Variants in FREM1 observed in about 807,000 individuals in gnomAD.
FREM1 encodes the protein FRAS1 related extracellular matrix 1.
A neutral mutation model predicts 210.1 loss-of-function variants in FREM1; 220 were observed. That is an observed-to-expected ratio of 1.05 (90% CI 0.94 to 1.17). The LOEUF is 1.17. Among genes scored for constraint, FREM1 ranks in the 50% most tolerant of loss-of-function variants. FREM1 has a pLI of 0.00. For synonymous variants in FREM1, 1,189 were observed against 980.2 expected, an observed-to-expected ratio of 1.21 and a Z score of -3.98; for missense variants, 3,454 against 2,675.5, an observed-to-expected ratio of 1.29 and a Z score of -6.42.
At position 14,737,446 on chromosome 9, in the gene FREM1, C is replaced by CT; in HGVS notation, c.6489dup (p.Asp2164ArgfsTer3). 6.2e-7 allele frequency: 1 copy of CT among 1,613,856 alleles called. No individual in the cohort carries two copies. The highest frequency in any genetic ancestry group is 8.5e-7 in the Non-Finnish European group (1 of 1,179,844). ...TTATGAGGTTTGGCTCTCCTACAGT[C>CT]TTTTGTTTGCCATTTCCCTTGTCTT... On this transcript the variant is annotated frameshift_variant, in exon 37 of 37. Transcript: ENST00000380880. LOFTEE classifies it high-confidence loss of function.
chr9:14,762,980 T>C (rs907651454), intron 27 of FREM1, among the ~76,000 whole-genome samples: 1 of 152,186 alleles, frequency 6.6e-6, no homozygotes, highest in African/African-American at 2.4e-5. Context: ...TCTAGATGTG[T>C]AGGTGTCATG....
intron 16 of FREM1, among the ~76,000 whole-genome samples, chr9:14,809,199 G>A (rs1218721009): frequency 3.3e-5 from 5 of 152,152 alleles, no homozygotes; most frequent in South Asian, 2.1e-4. Context: ...CCATGTAAGA[G>A]GTGACTTGCT....
rs368536960 is a variant in FREM1, at chr9:14,792,832, T to A, written c.3892A>T (p.Ile1298Phe). ...MGETRIISSA[I>F]LSAIDEDSPR... ...GAGTCTTCATCTATGGCTGAAAGAA[T>A]AGCACTGGAAATAATACGAGTTTCA... The change falls in exon 22 of 37, where the codon ATT (isoleucine) becomes TTT (phenylalanine). Residue 1298 changes from isoleucine to phenylalanine, a missense_variant. Coordinates refer to ENST00000380880, the MANE Select transcript of FREM1 (RefSeq NM_001379081.2). 91 of 1,601,602 alleles carry A rather than the reference T, an allele frequency of 5.7e-5. No homozygotes were observed. The African/African-American group carries it at 9.7e-4, about 17-fold the overall frequency.
At chr9:14,907,770 G>A (rs1310443077) in intron 1 of FREM1, among the ~76,000 whole-genome samples, 1 of 152,212 alleles carries the variant, frequency 6.6e-6, no homozygotes, top group East Asian at 1.9e-4. Flanking sequence ...AGTAAATGCT[G>A]AAAAGCTCTC....
intron 23 of FREM1, among the ~76,000 whole-genome samples, chr9:14,785,525 G>A (rs1850285109): frequency 6.6e-6 from 1 of 152,100 alleles, no homozygotes; most frequent in Non-Finnish European, 1.5e-5. Context: ...GCCAAGAGAT[G>A]CAAACAACTC....
intron 1 of FREM1, among the ~76,000 whole-genome samples, chr9:14,872,047 A>G (rs911378135): frequency 2.0e-5 from 3 of 152,180 alleles, no homozygotes; most frequent in Non-Finnish European, 2.9e-5. Flanking sequence ...TGGTACCAGT[A>G]CCATGCTGTT....
chr9:14,818,552 T>C (rs2130692425), intron 14 of FREM1, among the ~76,000 whole-genome samples: 1 of 152,366 alleles, frequency 6.6e-6, no homozygotes, highest in South Asian at 2.1e-4. Context: ...TACCCGACCA[T>C]TGCTTTTGAA....
intron 1 of FREM1, among the ~76,000 whole-genome samples, chr9:14,880,887 GAA>G (rs1834677813): frequency 6.6e-6 from 1 of 152,146 alleles, no homozygotes; most frequent in South Asian, 2.1e-4. Context: ...ATAAATTGAA[GAA>G]AGTCACCAAT....
intron 10 of FREM1, among the ~76,000 whole-genome samples, chr9:14,833,110 C>A (rs1823881518): frequency 6.6e-6 from 1 of 152,080 alleles, no homozygotes; most frequent in Non-Finnish European, 1.5e-5. Context: ...TAAGTCAGTG[C>A]CTGGGTAAGG....
At chr9:14,820,756 C>T (rs1209724265) in intron 13 of FREM1, among the ~76,000 whole-genome samples, 3 of 152,182 alleles carry the variant, frequency 2.0e-5, no homozygotes, top group Non-Finnish European at 4.4e-5. Context: ...TACAACTACC[C>T]CCACCCTGAC....
intron 2 of FREM1, among the ~76,000 whole-genome samples, chr9:14,866,615 C>T (rs1025960861): frequency 6.6e-6 from 1 of 152,148 alleles, no homozygotes; most frequent in African/African-American, 2.4e-5. Flanking sequence ...CTTGCTCCTG[C>T]GAGCTACCAG....
intron 1 of FREM1, among the ~76,000 whole-genome samples, chr9:14,904,166 A>G (rs1817278013): frequency 6.6e-6 from 1 of 151,116 alleles, no homozygotes; most frequent in Non-Finnish European, 1.5e-5. Context: ...ATTCTGGGTT[A>G]TAGAGACTAG....
chr9:14,847,467 A>AAG (rs1181245731), intron 7 of FREM1, among the ~76,000 whole-genome samples: 1 of 147,932 alleles, frequency 6.8e-6, no homozygotes, highest in Non-Finnish European at 1.5e-5. Flanking sequence ...GGTGGGAGGG[A>AAG]GAAGAAATGG....
chr9:14,820,473 G>A lies in FREM1; in HGVS notation c.2338-1031C>T, dbSNP rs1248557150. 1.3e-5 allele frequency among the ~76,000 whole-genome samples: 2 copies of A among 152,170 alleles called. 1 individual carries two copies. The highest frequency in any genetic ancestry group is 1.3e-4 in the Admixed American group (2 of 15,282). On this transcript the variant is annotated intron_variant, in intron 13 of 36. Coordinates refer to ENST00000380880, the MANE Select transcript of FREM1 (RefSeq NM_001379081.2). Reference sequence around the variant, plus strand: ...GGTCCCAGCAGGGAGGATGTTCCCTGAAGAAAGAGCTGGTAAAGGAGGATG... The same window carrying A: ...GGTCCCAGCAGGGAGGATGTTCCCTAAAGAAAGAGCTGGTAAAGGAGGATG...
chr9:14,840,609 C>T (rs1395065658), intron 10 of FREM1, among the ~76,000 whole-genome samples: 1 of 152,176 alleles, frequency 6.6e-6, no homozygotes, highest in Non-Finnish European at 1.5e-5. Flanking sequence ...GATTCAATTA[C>T]CTCCCACCAG....
chr9:14,842,663 G>C lies in FREM1; in HGVS notation c.1394-3C>G. 6.2e-7 allele frequency: 1 copy of C among 1,609,228 alleles called. No homozygotes were observed. Among genetic ancestry groups the C allele is most frequent in the Non-Finnish European group, 8.5e-7 (1 of 1,176,716 alleles). ...GGTGAAGAGAAACCCTTTCCCCCCT[G>C]AGGGAGAGAGCAGAGATGGAGCAGA... On this transcript the variant is annotated splice_region_variant and splice_polypyrimidine_tract_variant and intron_variant, in intron 8 of 36. Transcript: ENST00000380880.
Position 14,846,105 on chromosome 9 carries a change from G to A in FREM1, c.1262-14C>T. On this transcript the variant is annotated splice_polypyrimidine_tract_variant and intron_variant, in intron 7 of 36. Transcript: ENST00000380880. Reference sequence around the variant, plus strand: ...GGAGACTCAGACCTATGAAAGAAAGGAGAAAAGGGTGTTGGTATCATAGAC... The same window carrying A: ...GGAGACTCAGACCTATGAAAGAAAGAAGAAAAGGGTGTTGGTATCATAGAC... 6.4e-7 allele frequency: 1 copy of A among 1,555,186 alleles called. No individual in the cohort carries two copies. Among genetic ancestry groups the A allele is most frequent in the Non-Finnish European group, 8.7e-7 (1 of 1,148,086 alleles).
rs1804623717 is a variant in FREM1 at position 14,860,680 on chromosome 9, TATACACATATATACAC to T, written c.330-1212_330-1197del. On this transcript the variant is annotated intron_variant, in intron 3 of 36. Coordinates refer to ENST00000380880, the MANE Select transcript of FREM1 (RefSeq NM_001379081.2). ...ACATATATACATATATACACACATA[TATACACATATATACAC>T]ACATATATACACACATATATACACA... 1.3e-4 allele frequency among the ~76,000 whole-genome samples: 14 copies of T among 109,188 alleles called. No homozygotes were observed. The East Asian group carries it at 2.0e-3, about 16-fold the overall frequency. 71.6% of individuals were successfully genotyped at this position (109,188 alleles called of 152,430 possible).
rs75213222 is a variant in FREM1, at chr9:14,890,639, T to G, written c.-268+19275A>C. ...AAATATAGAATGGCCAGAGGGTATC[T>G]AAAACATTTCTGGCCATGCCCGATA... On this transcript the variant is annotated intron_variant, in intron 1 of 36. Transcript: ENST00000380880. Among the ~76,000 whole-genome samples, 741 of 152,280 alleles carry G rather than the reference T, an allele frequency of 4.9e-3. 6 individuals carry two copies. The highest frequency in any genetic ancestry group is 0.017 in the African/African-American group (721 of 41,556).
Sources: gnomAD v4.1 joint callset for allele counts (sites outside exome capture counted in the v4.1 genomes callset) on GRCh38, gnomAD v4.1.1 for gene constraint, MANE v1.5 for transcripts, NCBI Gene and HGNC (gene_info 2026-07-23, HGNC 2026-07-21) for gene names.